Variants in CCNY observed in about 807,000 individuals in gnomAD.
The protein encoded by CCNY is cyclin Y.
Under a neutral mutation model 42.8 loss-of-function variants are expected in CCNY, and 19 were observed. The observed-to-expected ratio is 0.44, with a 90% CI of 0.31 to 0.65. The LOEUF (loss-of-function observed/expected upper bound fraction) is 0.65. Ranked by LOEUF, CCNY falls within the 30% of genes least tolerant of loss-of-function variation. The pLI, the probability that CCNY is intolerant of heterozygous loss-of-function variation, is 0.07. For missense variants in CCNY, 370 were observed against 437.3 expected (o/e 0.85, Z 1.37); for synonymous variants, 165 against 162.7 (o/e 1.01, Z -0.11).
At chr10:35,482,749 GGT>G (rs56033862) in intron 1 of CCNY, among the ~76,000 whole-genome samples, 5,231 of 128,738 alleles carry the variant, frequency 0.041, 100 homozygotes, top group South Asian at 0.059. Flanking sequence ...GCTGGAAATA[GGT>G]GTGTGTGTGT....
chr10:35,430,037 C>T (rs1838350798), intron 1 of CCNY, among the ~76,000 whole-genome samples: 1 of 150,740 alleles, frequency 6.6e-6, no homozygotes, highest in Non-Finnish European at 1.5e-5. Context: ...TTCATCATTA[C>T]AAAAAAAAAG....
chr10:35,284,607 A>G (rs558749635), intron 3 of CCNY, among the ~76,000 whole-genome samples: 1 of 151,666 alleles, frequency 6.6e-6, no homozygotes, highest in East Asian at 1.9e-4. Flanking sequence ...TTTATTTTCA[A>G]TTTTGTTGAT....
chr10:35,547,193 G>A (rs776227064), intron 7 of CCNY, among the ~76,000 whole-genome samples: 2 of 152,126 alleles, frequency 1.3e-5, no homozygotes, highest in Non-Finnish European at 2.9e-5. Context: ...GAAGAGTTAC[G>A]ATGTTCACAC....
intron 1 of CCNY, among the ~76,000 whole-genome samples, chr10:35,415,859 C>T (rs1471977351): frequency 1.3e-5 from 2 of 152,156 alleles, no homozygotes; most frequent in Non-Finnish European, 2.9e-5. Flanking sequence ...TCCTGTGGGC[C>T]GAGCAGGTGG....
intron 3 of CCNY, among the ~76,000 whole-genome samples, chr10:35,508,176 C>T (rs528782668): frequency 5.3e-5 from 8 of 152,110 alleles, no homozygotes; most frequent in Non-Finnish European, 1.0e-4. Context: ...CCAGCCCTAC[C>T]ATACTTCTCT....
At chr10:35,555,757 A>G (rs940916298) in intron 8 of CCNY, among the ~76,000 whole-genome samples, 1 of 152,242 alleles carries the variant, frequency 6.6e-6, no homozygotes, top group African/African-American at 2.4e-5. Context: ...TTTTCTACAC[A>G]GAGAAGTTAA....
chr10:35,338,988 T>C (rs2135116867), intron 1 of CCNY, among the ~76,000 whole-genome samples: 2 of 152,344 alleles, frequency 1.3e-5, no homozygotes, highest in South Asian at 4.1e-4. Flanking sequence ...ATCTTAAGTT[T>C]CAGTCATCAG....
At chr10:35,564,501 G>C (rs922849386) in intron 8 of CCNY, among the ~76,000 whole-genome samples, 1 of 152,270 alleles carries the variant, frequency 6.6e-6, no homozygotes, top group South Asian at 2.1e-4. Flanking sequence ...AGTGCTATGA[G>C]TCACCGGGAA....
intron 4 of CCNY, among the ~76,000 whole-genome samples, chr10:35,519,060 G>A (rs1840489296): frequency 6.6e-6 from 1 of 151,330 alleles, no homozygotes. Context: ...TATATTGTGA[G>A]TATCTGGATT....
intron 1 of CCNY, among the ~76,000 whole-genome samples, chr10:35,375,190 G>A (rs1488139712): frequency 6.6e-6 from 1 of 152,212 alleles, no homozygotes; most frequent in Middle Eastern, 3.2e-3. Context: ...TAGGTTGGAG[G>A]TCTGACACAG....
At chr10:35,480,827 C>T (rs186828464) in intron 1 of CCNY, among the ~76,000 whole-genome samples, 151 of 152,046 alleles carry the variant, frequency 9.9e-4, no homozygotes, top group Non-Finnish European at 1.8e-3. Flanking sequence ...ATTAGCCAGG[C>T]TTGTGGTACA....
Position 35,419,533 on chromosome 10 carries a change from C to CTTT in CCNY, c.155-63858_155-63856dup, listed in dbSNP as rs34429228. On this transcript the variant is annotated intron_variant, in intron 1 of 9. Coordinates refer to ENST00000374704, the MANE Select transcript of CCNY (RefSeq NM_145012.6). The stretch of plus-strand genomic sequence containing the variant: ...AGGACTGGGTTGCATTAGACCGTTC[C>CTTT]TTTTTTTTTTTTTTTAGCAATCTGG... Among the ~76,000 whole-genome samples, 104 of 129,686 alleles carry CTTT rather than the reference C, an allele frequency of 8.0e-4. 5 individuals are homozygous for CTTT. Among genetic ancestry groups the CTTT allele is most frequent in the African/African-American group, 3.1e-3 (99 of 31,732 alleles). The allele number at this position is 129,686 out of a possible 152,430, so 85.1% of individuals were successfully genotyped here. A position where few individuals can be genotyped will look rare whatever the true frequency, so the allele number is the denominator to read the frequency against.
chr10:35,435,544 A>G (rs182785901), intron 1 of CCNY, among the ~76,000 whole-genome samples: 4 of 152,244 alleles, frequency 2.6e-5, no homozygotes, highest in Admixed American at 6.5e-5. Flanking sequence ...CTATACTAAA[A>G]TAATCACACA....
At chr10:35,269,600 C>G (rs527415954) in intron 3 of CCNY, among the ~76,000 whole-genome samples, 2 of 150,738 alleles carry the variant, frequency 1.3e-5, no homozygotes, top group African/African-American at 2.4e-5. Flanking sequence ...CCGCTGTGCC[C>G]AGCCAAGTTC....
chr10:35,334,059 G>GTCGCCGTAT (rs1835978654), upstream of CCNY, among the ~76,000 whole-genome samples: 1 of 92,112 alleles, frequency 1.1e-5, no homozygotes. Context: ...GGGGGGCGGG[G>GTCGCCGTAT]CACAAAAATC....
intron 3 of CCNY, among the ~76,000 whole-genome samples, chr10:35,283,858 C>T (rs937414230): frequency 2.0e-5 from 3 of 152,174 alleles, no homozygotes; most frequent in African/African-American, 4.8e-5. Context: ...CCGAGGAGGG[C>T]GGATCACTTG....
intron 2 of CCNY, among the ~76,000 whole-genome samples, chr10:35,489,740 G>C (rs1486216175): frequency 6.6e-6 from 1 of 152,034 alleles, no homozygotes; most frequent in Non-Finnish European, 1.5e-5. Context: ...CTACAGTTCA[G>C]TTTTGTTCTC....
chr10:35,519,380 A>AT (rs1840497855), intron 4 of CCNY, among the ~76,000 whole-genome samples: 1 of 152,016 alleles, frequency 6.6e-6, no homozygotes, highest in African/African-American at 2.4e-5. Context: ...GGGTATCTGG[A>AT]TTTTTAACAG....
chr10:35,250,654 T>G (rs1295545763), intron 3 of CCNY: 3 of 152,392 alleles, frequency 2.0e-5, no homozygotes, highest in Non-Finnish European at 4.4e-5. Flanking sequence ...TCAAGGTCAA[T>G]TCTGCCTAAT....
Sources: gnomAD v4.1 joint callset for allele counts (sites outside exome capture counted in the v4.1 genomes callset) on GRCh38, gnomAD v4.1.1 for gene constraint, MANE v1.5 for transcripts, NCBI Gene and HGNC (gene_info 2026-07-23, HGNC 2026-07-21) for gene names.